RBFOX1: variants seen among roughly 807,000 people sequenced by gnomAD.
The protein encoded by RBFOX1 is RNA binding protein fox-1 homolog 1.
A neutral mutation model predicts 57.7 loss-of-function variants in RBFOX1; 8 were observed. That is an observed-to-expected ratio of 0.14 (90% CI 0.08 to 0.25). The LOEUF (loss-of-function observed/expected upper bound fraction) is 0.25. Among genes scored for constraint, RBFOX1 ranks in the 10% least tolerant of loss-of-function variants. The pLI is 1.00. For missense variants in RBFOX1, 611 were observed against 548.5 expected, an observed-to-expected ratio of 1.11 and a Z score of -1.14; for synonymous variants, 326 against 222.4, an observed-to-expected ratio of 1.47 and a Z score of -4.15.
intron 4 of RBFOX1, among the ~76,000 whole-genome samples, chr16:5,922,444 C>G (rs1309311594): frequency 6.6e-6 from 1 of 152,160 alleles, no homozygotes; most frequent in Non-Finnish European, 1.5e-5. Flanking sequence ...CCTTGTTCAC[C>G]CCCTTGTCTT....
intron 3 of RBFOX1, among the ~76,000 whole-genome samples, chr16:7,029,532 GA>G (rs1477948130): frequency 4.6e-5 from 7 of 151,972 alleles, no homozygotes; most frequent in Admixed American, 4.6e-4. Flanking sequence ...TAGCTCTTAA[GA>G]AATCTAATAT....
chr16:7,002,543 C>G (rs1596582611), intron 3 of RBFOX1, among the ~76,000 whole-genome samples: 1 of 152,102 alleles, frequency 6.6e-6, no homozygotes, highest in Non-Finnish European at 1.5e-5. Context: ...GAAACCCCGT[C>G]TCTACTAAAA....
chr16:5,328,705 C>A (rs2064657375), intron 1 of RBFOX1, among the ~76,000 whole-genome samples: 1 of 152,346 alleles, frequency 6.6e-6, no homozygotes, highest in East Asian at 1.9e-4. Flanking sequence ...GCGGAGCTGC[C>A]AGTGGACCAT....
At chr16:7,617,972 C>T (rs2058726208) in intron 10 of RBFOX1, among the ~76,000 whole-genome samples, 1 of 149,904 alleles carries the variant, frequency 6.7e-6, no homozygotes, top group Non-Finnish European at 1.5e-5. Context: ...CAAGCTGTTT[C>T]TCAACCTTTA....
chr16:6,669,212 C>T (rs145493244), intron 3 of RBFOX1, among the ~76,000 whole-genome samples: 10 of 152,250 alleles, frequency 6.6e-5, no homozygotes, highest in East Asian at 1.9e-4. Context: ...TGTGATGGAA[C>T]GTGATGCAAT....
chr16:5,897,324 C>T (rs529104820), intron 4 of RBFOX1, among the ~76,000 whole-genome samples: 13 of 152,102 alleles, frequency 8.5e-5, no homozygotes, highest in Non-Finnish European at 1.5e-4. Flanking sequence ...CGTGAGCCAC[C>T]GCGCCCGGCC....
At chr16:5,528,606 CTCTT>C (rs747092639) in intron 2 of RBFOX1, among the ~76,000 whole-genome samples, 32 of 136,486 alleles carry the variant, frequency 2.3e-4, no homozygotes, top group East Asian at 6.8e-4. Context: ...TTCTCTCTCT[CTCTT>C]TATCTTTCCT....
chr16:5,584,768 G>A (rs1447386767), intron 2 of RBFOX1, among the ~76,000 whole-genome samples: 1 of 152,062 alleles, frequency 6.6e-6, no homozygotes, highest in South Asian at 2.1e-4. Flanking sequence ...TACTGCTTGG[G>A]CCTGTTTCTT....
chr16:7,059,817 GC>G (rs2053685990), intron 4 of RBFOX1, among the ~76,000 whole-genome samples: 1 of 151,702 alleles, frequency 6.6e-6, no homozygotes, highest in African/African-American at 2.4e-5. Context: ...GCTTCTGCCA[GC>G]TGCACTTTTC....
chr16:5,887,066 A>G (rs2057917188), intron 4 of RBFOX1, among the ~76,000 whole-genome samples: 1 of 152,166 alleles, frequency 6.6e-6, no homozygotes, highest in South Asian at 2.1e-4. Context: ...AGATGTCGGT[A>G]GCATTTTCTC....
At chr16:5,728,321 T>C (rs17434318) in intron 3 of RBFOX1, among the ~76,000 whole-genome samples, 63,040 of 152,106 alleles carry the variant, frequency 0.41, 15,689 homozygotes, top group East Asian at 0.8. Flanking sequence ...CATGGATGAA[T>C]GCTGCTTTTT....
chr16:6,063,875 C>G (rs2152466218), intron 1 of RBFOX1, among the ~76,000 whole-genome samples: 1 of 152,284 alleles, frequency 6.6e-6, no homozygotes, highest in South Asian at 2.1e-4. Context: ...ATATCCTTTA[C>G]TGGCCAAGAT....
chr16:5,343,709 T>A (rs1246370269), intron 1 of RBFOX1, among the ~76,000 whole-genome samples: 2 of 152,220 alleles, frequency 1.3e-5, no homozygotes, highest in Non-Finnish European at 2.9e-5. Context: ...AAATGAATAG[T>A]GAAATAAGGT....
chr16:7,501,625 C>G (rs983370615), intron 4 of RBFOX1, among the ~76,000 whole-genome samples: 3 of 152,190 alleles, frequency 2.0e-5, no homozygotes, highest in Non-Finnish European at 4.4e-5. Flanking sequence ...TTCTTTGATT[C>G]TGCCACTCAG....
At chr16:5,704,817 G>C (rs1048481540) in intron 3 of RBFOX1, among the ~76,000 whole-genome samples, 86 of 152,276 alleles carry the variant, frequency 5.6e-4, no homozygotes, top group Middle Eastern at 6.8e-3. Context: ...GCCAGTGCCA[G>C]GACCCCCTTT....
chr16:6,053,644 T>A (rs948020988), intron 1 of RBFOX1, among the ~76,000 whole-genome samples: 32 of 152,188 alleles, frequency 2.1e-4, no homozygotes, highest in African/African-American at 7.2e-4. Flanking sequence ...CAGATAAAGT[T>A]AAATAAATAA....
intron 1 of RBFOX1, among the ~76,000 whole-genome samples, chr16:5,440,733 G>C (rs1391742496): frequency 6.6e-6 from 1 of 152,160 alleles, no homozygotes. Flanking sequence ...GATTTAGCTG[G>C]GCAGCAGTGG....
At chr16:7,642,553 C>T (rs1191117936) in intron 11 of RBFOX1, among the ~76,000 whole-genome samples, 1 of 152,190 alleles carries the variant, frequency 6.6e-6, no homozygotes, top group African/African-American at 2.4e-5. Context: ...ATCTCACTTG[C>T]CCTGTTTCCT....
chr16:6,223,510 T>A (rs2097392694), intron 1 of RBFOX1, among the ~76,000 whole-genome samples: 3 of 152,232 alleles, frequency 2.0e-5, no homozygotes, highest in African/African-American at 7.2e-5. Flanking sequence ...TTTTGAGAAG[T>A]GTCTGTTCAT....
Sources: allele counts gnomAD v4.1 joint callset (sites outside exome capture counted in the v4.1 genomes callset), GRCh38; gene constraint gnomAD v4.1.1; transcripts MANE v1.5; gene names NCBI Gene and HGNC (gene_info 2026-07-23, HGNC 2026-07-21).